Variants in NKAIN2 observed in about 807,000 individuals in gnomAD.
NKAIN2 encodes sodium/potassium-transporting ATPase subunit beta-1-interacting protein 2.
In NKAIN2, 14 loss-of-function variants were observed where a neutral mutation model predicts 32.6. That is an observed-to-expected ratio of 0.43 (90% CI 0.28 to 0.67). The LOEUF (loss-of-function observed/expected upper bound fraction) is 0.67. Among genes scored for constraint, NKAIN2 ranks in the 30% least tolerant of loss-of-function variants. The pLI is 0.17. For missense variants in NKAIN2, 198 were observed against 258.3 expected (o/e 0.77, Z 1.60); for synonymous variants, 80 against 87.2 (o/e 0.92, Z 0.46).
In NKAIN2 at chr6:124,362,645, G is replaced by A. The variant is rs1261504599; in HGVS notation, c.273+7298G>A. 2.6e-5 allele frequency among the ~76,000 whole-genome samples: 4 copies of A among 151,998 alleles called. No individual in the cohort carries two copies. The South Asian group carries it at 8.3e-4, about 32-fold the overall frequency. On this transcript the variant is annotated intron_variant, in intron 3 of 6. Coordinates refer to ENST00000368417, the MANE Select transcript of NKAIN2 (RefSeq NM_001040214.3). ...GTCTTGACCTTGTTGCTAAGTTAAT[G>A]TGTCACATCTCCAACTTCCTGCTGG...
intron 4 of NKAIN2, among the ~76,000 whole-genome samples, chr6:124,687,346 T>G (rs1245348288): frequency 7.4e-6 from 1 of 134,744 alleles, no homozygotes; most frequent in African/African-American, 2.7e-5. Context: ...CATATACATA[T>G]AATATATATA....
intron 1 of NKAIN2, among the ~76,000 whole-genome samples, chr6:123,868,429 G>A (rs996500102): frequency 1.5e-4 from 23 of 152,218 alleles, no homozygotes; most frequent in African/African-American, 4.8e-4. Context: ...GTTTTTGTAC[G>A]TATTAATTGA....
intron 1 of NKAIN2, among the ~76,000 whole-genome samples, chr6:123,843,892 A>G (rs184160370): frequency 1.6e-4 from 25 of 152,274 alleles, no homozygotes; most frequent in Admixed American, 1.0e-3. Context: ...AGAATAGGTG[A>G]TAGCCTGTGA....
chr6:124,534,680 C>T (rs1016039369), intron 3 of NKAIN2, among the ~76,000 whole-genome samples: 122 of 152,286 alleles, frequency 8.0e-4, no homozygotes, highest in African/African-American at 2.9e-3. Context: ...TACTTCTGCC[C>T]AGAGTCTTCT....
intron 3 of NKAIN2, among the ~76,000 whole-genome samples, chr6:124,516,399 TAAA>T (rs894511548): frequency 2.0e-5 from 3 of 152,140 alleles, no homozygotes; most frequent in African/African-American, 7.2e-5. Context: ...TTTTTTCAGT[TAAA>T]AGAAGAAAAA....
intron 2 of NKAIN2, among the ~76,000 whole-genome samples, chr6:124,310,668 G>C (rs1796676501): frequency 1.3e-5 from 2 of 152,106 alleles, no homozygotes; most frequent in Non-Finnish European, 2.9e-5. Flanking sequence ...GCCGAAAGTA[G>C]CTGTTCTGCC....
rs182039237 is a variant in NKAIN2 at position 123,896,816 on chromosome 6, C to T, written c.54+92562C>T. Among the ~76,000 whole-genome samples the T allele has an allele frequency of 3.9e-3, 588 of 152,190 alleles. 1 individual carries two copies. The highest frequency in any genetic ancestry group is 8.2e-3 in the Admixed American group (126 of 15,288). On this transcript the variant is annotated intron_variant, in intron 1 of 6. Transcript: ENST00000368417. Reference sequence around the variant, plus strand: ...AATTCTGAAATTTATAACTTTAGATCCCACCTTGCTCTCAAGTTCCCTACA... The same window carrying T: ...AATTCTGAAATTTATAACTTTAGATTCCACCTTGCTCTCAAGTTCCCTACA...
At chr6:124,741,096 A>G (rs1291777222) in intron 4 of NKAIN2, among the ~76,000 whole-genome samples, 2 of 151,750 alleles carry the variant, frequency 1.3e-5, no homozygotes, top group Non-Finnish European at 2.9e-5. Context: ...CAAATGGACA[A>G]TAGGTGAATA....
chr6:123,951,890 T>C (rs989484179), intron 1 of NKAIN2, among the ~76,000 whole-genome samples: 5 of 151,978 alleles, frequency 3.3e-5, no homozygotes, highest in African/African-American at 1.2e-4. Flanking sequence ...TCTTTCTTTC[T>C]TTTTTTCCTT....
chr6:124,319,168 A>G (rs1012074217), intron 2 of NKAIN2, among the ~76,000 whole-genome samples: 57 of 152,218 alleles, frequency 3.7e-4, no homozygotes, highest in African/African-American at 1.3e-3. Flanking sequence ...AAATAGGAAA[A>G]CTATAGTCCA....
At chr6:123,893,706 T>C (rs796498267) in intron 1 of NKAIN2, among the ~76,000 whole-genome samples, 107 of 152,338 alleles carry the variant, frequency 7.0e-4, no homozygotes, top group African/African-American at 2.4e-3. Flanking sequence ...ATTTAAATAT[T>C]CAAATAAAAG....
intron 3 of NKAIN2, among the ~76,000 whole-genome samples, chr6:124,620,982 T>C (rs1442594135): frequency 2.6e-5 from 4 of 152,170 alleles, no homozygotes; most frequent in Non-Finnish European, 4.4e-5. Flanking sequence ...TGCTTTTTTC[T>C]CTCTCACTCA....
At chr6:123,868,200 T>A (rs908041970) in intron 1 of NKAIN2, among the ~76,000 whole-genome samples, 2 of 152,172 alleles carry the variant, frequency 1.3e-5, no homozygotes, top group African/African-American at 4.8e-5. Flanking sequence ...CTTCCTTCAG[T>A]CTCCTGCATG....
chr6:124,061,763 A>G (rs1782926985), intron 1 of NKAIN2, among the ~76,000 whole-genome samples: 1 of 152,030 alleles, frequency 6.6e-6, no homozygotes, highest in Admixed American at 6.6e-5. Flanking sequence ...TGAAAATCTC[A>G]GAAGTGAGTC....
At chr6:123,992,652 A>T (rs923801033) in intron 1 of NKAIN2, among the ~76,000 whole-genome samples, 3 of 152,248 alleles carry the variant, frequency 2.0e-5, no homozygotes, top group African/African-American at 7.2e-5. Context: ...GGTACATAAC[A>T]GAAATCACAT....
chr6:124,459,675 A>AT (rs767356973), intron 3 of NKAIN2, among the ~76,000 whole-genome samples: 1 of 151,776 alleles, frequency 6.6e-6, no homozygotes, highest in Non-Finnish European at 1.5e-5. Flanking sequence ...CTTAACATTT[A>AT]TTTTCCCTAA....
chr6:123,967,675 T>A (rs1778147327), intron 1 of NKAIN2, among the ~76,000 whole-genome samples: 2 of 151,874 alleles, frequency 1.3e-5, no homozygotes, highest in Non-Finnish European at 2.9e-5. Context: ...TGACACATTA[T>A]GTGAAAAAAA....
intron 5 of NKAIN2, among the ~76,000 whole-genome samples, chr6:124,797,914 G>T (rs1420793284): frequency 6.6e-6 from 1 of 152,064 alleles, no homozygotes; most frequent in Non-Finnish European, 1.5e-5. Flanking sequence ...AATAAAAAAA[G>T]GAAAATTAAA....
intron 4 of NKAIN2, among the ~76,000 whole-genome samples, chr6:124,729,986 G>C (rs952057706): frequency 1.4e-5 from 2 of 144,316 alleles, no homozygotes; most frequent in African/African-American, 5.2e-5. Context: ...AAAATACCTA[G>C]GAATCCAACT....
Sources: gnomAD v4.1 joint callset for allele counts (sites outside exome capture counted in the v4.1 genomes callset) on GRCh38, gnomAD v4.1.1 for gene constraint, MANE v1.5 for transcripts, NCBI Gene and HGNC (gene_info 2026-07-23, HGNC 2026-07-21) for gene names.